SPOCK1: variants seen among roughly 807,000 people sequenced by gnomAD.
The protein encoded by SPOCK1 is testican-1.
In SPOCK1, 23 loss-of-function variants were observed where a neutral mutation model predicts 55.3. The ratio of observed to expected loss-of-function variants is 0.42; its 90% CI spans 0.30 to 0.59. SPOCK1 has a LOEUF of 0.59. Ranked by LOEUF, SPOCK1 falls within the 20% of genes least tolerant of loss-of-function variation. The pLI, the probability that SPOCK1 is intolerant of heterozygous loss-of-function variation, is 0.22. For missense variants in SPOCK1, 499 were observed against 552.5 expected (o/e 0.90, Z 0.97); for synonymous variants, 226 against 221.0 (o/e 1.02, Z -0.20).
intron 6 of SPOCK1, among the ~76,000 whole-genome samples, chr5:137,066,627 T>C (rs528966818): frequency 1.3e-5 from 2 of 152,342 alleles, no homozygotes; most frequent in Admixed American, 1.3e-4. Context: ...CTTATGTATA[T>C]TAGTTAACTT....
intron 2 of SPOCK1, among the ~76,000 whole-genome samples, chr5:137,434,954 G>A (rs1652027667): frequency 6.6e-6 from 1 of 152,120 alleles, no homozygotes; most frequent in South Asian, 2.1e-4. Context: ...AAGAAAATAT[G>A]GAAAACATGA....
intron 2 of SPOCK1, among the ~76,000 whole-genome samples, chr5:137,338,856 T>G (rs2127154940): frequency 6.6e-6 from 1 of 152,342 alleles, no homozygotes; most frequent in Non-Finnish European, 1.5e-5. Context: ...GCCCACTTTT[T>G]GATGGGGTTG....
At chr5:137,078,127 C>T (rs1039808837) in intron 5 of SPOCK1, among the ~76,000 whole-genome samples, 5 of 152,144 alleles carry the variant, frequency 3.3e-5, no homozygotes, top group African/African-American at 7.2e-5. Flanking sequence ...AAGCACAAAA[C>T]ATCCCAGAGA....
At chr5:137,357,890 C>T (rs1234257422) in intron 2 of SPOCK1, among the ~76,000 whole-genome samples, 2 of 152,120 alleles carry the variant, frequency 1.3e-5, no homozygotes, top group African/African-American at 4.8e-5. Flanking sequence ...AATAAAATAT[C>T]ATTACCCTAA....
intron 2 of SPOCK1, among the ~76,000 whole-genome samples, chr5:137,296,074 A>G (rs1188700907): frequency 6.6e-6 from 1 of 152,220 alleles, no homozygotes; most frequent in Non-Finnish European, 1.5e-5. Flanking sequence ...GACCCTGAAG[A>G]GACCCCGCAT....
intron 3 of SPOCK1, among the ~76,000 whole-genome samples, chr5:137,214,119 C>CTA (rs1334650399): frequency 6.6e-6 from 1 of 152,160 alleles, no homozygotes; most frequent in Admixed American, 6.5e-5. Flanking sequence ...TTCCAAATGA[C>CTA]AGTAAATAGT....
chr5:137,295,529 C>T (rs1413087059), intron 2 of SPOCK1, among the ~76,000 whole-genome samples: 2 of 152,172 alleles, frequency 1.3e-5, no homozygotes, highest in African/African-American at 2.4e-5. Context: ...AAAAATACAA[C>T]TTTATCACTT....
intron 4 of SPOCK1, 21 bp downstream of exon 4, chr5:137,140,559 C>G (rs747976772): frequency 6.3e-7 from 1 of 1,597,180 alleles, no homozygotes; most frequent in African/African-American, 1.3e-5. Context: ...CAGCCCCCAG[C>G]CCCCGGCCTT....
chr5:137,321,129 A>G (rs756480858), intron 2 of SPOCK1, among the ~76,000 whole-genome samples: 1 of 152,084 alleles, frequency 6.6e-6, no homozygotes, highest in Non-Finnish European at 1.5e-5. Context: ...GAACTGTTTA[A>G]GCAACACAGA....
chr5:137,294,519 T>A (rs1757441925), intron 2 of SPOCK1, among the ~76,000 whole-genome samples: 1 of 152,242 alleles, frequency 6.6e-6, no homozygotes, highest in African/African-American at 2.4e-5. Context: ...ACTGCCTCCA[T>A]GTAGATGAGC....
At position 136,978,476 on chromosome 5, in the gene SPOCK1, A is replaced by T; in HGVS notation, c.*178T>A. The T allele has an allele frequency of 3.8e-6, 2 of 529,696 alleles. No homozygotes were observed. Among genetic ancestry groups the T allele is most frequent in the Non-Finnish European group, 6.1e-6 (2 of 325,234 alleles). 32.8% of individuals were successfully genotyped at this position (529,696 alleles called of 1,614,324 possible). The stretch of plus-strand genomic sequence containing the variant: ...AAACACAACACCCTTTCTCCCATAC[A>T]AACATATGCAAAATCAGAATCCTCT... On this transcript the variant is annotated 3_prime_UTR_variant, in exon 11 of 11. Transcript: ENST00000394945.
intron 3 of SPOCK1, among the ~76,000 whole-genome samples, chr5:137,173,007 T>C (rs759642884): frequency 2.3e-4 from 35 of 152,184 alleles, no homozygotes; most frequent in Non-Finnish European, 4.1e-4. Flanking sequence ...CCATCTTTTT[T>C]ATCCCCTACC....
chr5:137,013,992 G>A (rs1479213232), intron 6 of SPOCK1, among the ~76,000 whole-genome samples: 1 of 152,126 alleles, frequency 6.6e-6, no homozygotes, highest in Non-Finnish European at 1.5e-5. Context: ...TTGGATATTT[G>A]TCCTTGCCCA....
intron 2 of SPOCK1, among the ~76,000 whole-genome samples, chr5:137,298,988 CATT>C (rs1757539577): frequency 6.6e-6 from 1 of 152,074 alleles, no homozygotes; most frequent in East Asian, 1.9e-4. Flanking sequence ...CTAATATAAT[CATT>C]GAGATGGTTG....
chr5:137,361,724 T>C (rs1271651208), intron 2 of SPOCK1, among the ~76,000 whole-genome samples: 1 of 152,232 alleles, frequency 6.6e-6, no homozygotes, highest in East Asian at 1.9e-4. Context: ...AAATTGCGTA[T>C]ATTACATTTA....
intron 2 of SPOCK1, among the ~76,000 whole-genome samples, chr5:137,332,036 A>G (rs755609926): frequency 3.0e-4 from 46 of 152,148 alleles, no homozygotes; most frequent in Non-Finnish European, 5.4e-4. Flanking sequence ...CCTGAAAGCC[A>G]GTGATAGAAA....
chr5:137,186,862 A>G (rs1339552668), intron 3 of SPOCK1, among the ~76,000 whole-genome samples: 1 of 152,150 alleles, frequency 6.6e-6, no homozygotes, highest in Non-Finnish European at 1.5e-5. Context: ...TTCTCACCAG[A>G]GGACCAATGA....
At chr5:136,982,926 C>CATA (rs1462910130) in intron 9 of SPOCK1, among the ~76,000 whole-genome samples, 1 of 152,158 alleles carries the variant, frequency 6.6e-6, no homozygotes, top group Admixed American at 6.5e-5. Context: ...ATTGTAGGTT[C>CATA]ATAATTATTT....
rs754293734 is a variant in SPOCK1, at chr5:136,988,536, T to C, written c.814A>G (p.Ile272Val). Residue 272 changes from isoleucine (I) to valine (V), a missense_variant, in exon 8 of 11, where the codon ATC (isoleucine) becomes GTC (valine). This residue lies in a region of SPOCK1 where 386 missense variants were observed against 400.6 expected (regional missense o/e 0.96). Transcript: ENST00000394945. ...LLLDPSEINAIYLDKYEPCIK... is the reference protein window; with the variant it reads ...LLLDPSEINAVYLDKYEPCIK... The stretch of plus-strand genomic sequence containing the variant: ...CAGGGCTCGTACTTATCCAGGTAGA[T>C]GGCATTGATCTCTGAAGGGTCAAGC... The C allele has an allele frequency of 6.2e-7, 1 of 1,614,208 alleles. No homozygotes were observed. Among genetic ancestry groups the C allele is most frequent in the Non-Finnish European group, 8.5e-7 (1 of 1,180,018 alleles).
Sources: gnomAD v4.1 joint callset for allele counts (sites outside exome capture counted in the v4.1 genomes callset) on GRCh38, gnomAD v4.1.1 for gene constraint, gnomAD v4.1.1 regional missense constraint, MANE v1.5 for transcripts, NCBI Gene and HGNC (gene_info 2026-07-23, HGNC 2026-07-21) for gene names.